The following SHISA9 variants were observed in gnomAD, a reference collection of about 807,000 sequenced individuals.
SHISA9 encodes the protein protein shisa-9.
SHISA9 carries 13 observed loss-of-function variants against 38.0 expected under a neutral mutation model. The observed-to-expected ratio is 0.34, with a 90% CI of 0.22 to 0.54. The LOEUF (loss-of-function observed/expected upper bound fraction) is 0.54, where lower values mean the gene tolerates loss of function less well. SHISA9 is among the 20% of genes least tolerant of loss of function. The pLI is 0.91. For synonymous variants in SHISA9, 275 were observed against 242.0 expected (o/e 1.14, Z -1.27); for missense variants, 538 against 575.8 (o/e 0.93, Z 0.67).
chr16:13,122,008 C>T (rs1026703939), intron 2 of SHISA9, among the ~76,000 whole-genome samples: 34 of 152,154 alleles, frequency 2.2e-4, no homozygotes, highest in African/African-American at 7.7e-4. Context: ...AAACTACTTA[C>T]CACAGTGCCC....
At chr16:13,217,191 T>A (rs1017327638) in intron 4 of SHISA9, among the ~76,000 whole-genome samples, 2 of 151,544 alleles carry the variant, frequency 1.3e-5, no homozygotes, top group African/African-American at 4.9e-5. Context: ...GGCAGGAGAA[T>A]GGCGCGAACC....
chr16:13,469,320 G>GAGAAAGAAAGAAGGAAAGAA, the SHISA9 span, among the ~76,000 whole-genome samples: 1 of 61,572 alleles, frequency 1.6e-5, no homozygotes, highest in Non-Finnish European at 3.0e-5. Context: ...GAGAGAGAGA[G>GAGAAAGAAAGAAGGAAAGAA]AGAAAGAAAG....
chr16:13,055,680 C>G (rs553399583), intron 2 of SHISA9, among the ~76,000 whole-genome samples: 1 of 152,238 alleles, frequency 6.6e-6, no homozygotes, highest in African/African-American at 2.4e-5. Context: ...CACTCACCCT[C>G]TTCCCTCATA....
chr16:13,082,393 GC>G (rs1219214334), intron 2 of SHISA9: 2 of 151,978 alleles, frequency 1.3e-5, no homozygotes, highest in Non-Finnish European at 2.9e-5. Context: ...CCATCCTCGG[GC>G]ACCTCTTGGT....
chr16:13,065,083 A>G (rs756213403), intron 2 of SHISA9, among the ~76,000 whole-genome samples: 5 of 152,174 alleles, frequency 3.3e-5, no homozygotes, highest in Non-Finnish European at 7.4e-5. Context: ...AGCTTAAGAT[A>G]TCTTGCCTTT....
At chr16:13,265,400 CCT>C in the SHISA9 span, among the ~76,000 whole-genome samples, 1 of 109,308 alleles carries the variant, frequency 9.1e-6, no homozygotes, top group African/African-American at 3.6e-5. Flanking sequence ...CCTCTCCTCT[CCT>C]CTTTCTCTCC....
chr16:13,193,104 G>C (rs936063422), intron 2 of SHISA9, among the ~76,000 whole-genome samples: 2 of 152,284 alleles, frequency 1.3e-5, no homozygotes, highest in African/African-American at 4.8e-5. Context: ...TTCAATGCGT[G>C]GTTCAATGCT....
the SHISA9 span, among the ~76,000 whole-genome samples, chr16:13,502,661 G>C: frequency 3.3e-5 from 5 of 152,202 alleles, no homozygotes; most frequent in African/African-American, 1.2e-4. Flanking sequence ...GATCATTTGA[G>C]GTCAAAAGCT....
At chr16:12,907,467 C>G (rs2071117917) in intron 1 of SHISA9, among the ~76,000 whole-genome samples, 1 of 151,862 alleles carries the variant, frequency 6.6e-6, no homozygotes, top group East Asian at 1.9e-4. Flanking sequence ...GACACTTAGT[C>G]CCTAATATCT....
chr16:13,065,688 A>C (rs1283761716), intron 2 of SHISA9, among the ~76,000 whole-genome samples: 2 of 152,218 alleles, frequency 1.3e-5, no homozygotes, highest in South Asian at 4.1e-4. Flanking sequence ...CTTCTGTAGG[A>C]AAGAACAGAG....
intron 2 of SHISA9, among the ~76,000 whole-genome samples, chr16:13,192,248 A>G (rs2050892291): frequency 6.6e-6 from 1 of 152,140 alleles, no homozygotes; most frequent in South Asian, 2.1e-4. Flanking sequence ...GAAAGGAGTG[A>G]GTGTTGAAGA....
the SHISA9 span, among the ~76,000 whole-genome samples, chr16:13,487,927 G>A: frequency 6.6e-6 from 1 of 152,206 alleles, no homozygotes; most frequent in Non-Finnish European, 1.5e-5. Context: ...GGATGGCAGG[G>A]ACACTTTGGA....
intron 2 of SHISA9, among the ~76,000 whole-genome samples, chr16:13,105,728 C>G (rs756502737): frequency 6.6e-6 from 1 of 152,200 alleles, no homozygotes; most frequent in Non-Finnish European, 1.5e-5. Context: ...AGCTCATCTG[C>G]TGAGGAGAGC....
chr16:12,990,841 C>T (rs935698101), intron 2 of SHISA9, among the ~76,000 whole-genome samples: 1 of 152,218 alleles, frequency 6.6e-6, no homozygotes, highest in Non-Finnish European at 1.5e-5. Flanking sequence ...CATCTCTGCG[C>T]ATTAAACCAA....
chr16:13,321,834 T>C, the SHISA9 span, among the ~76,000 whole-genome samples: 1 of 152,236 alleles, frequency 6.6e-6, no homozygotes, highest in Non-Finnish European at 1.5e-5. Context: ...TAATATCTAA[T>C]GTGATCTTTG....
At chr16:13,040,735 G>T (rs1252504849) in intron 2 of SHISA9, among the ~76,000 whole-genome samples, 3 of 152,176 alleles carry the variant, frequency 2.0e-5, no homozygotes, top group Non-Finnish European at 2.9e-5. Flanking sequence ...GTAAAGAAAA[G>T]CTTCTTTTCT....
chr16:13,048,976 C>T (rs958880602), intron 2 of SHISA9, among the ~76,000 whole-genome samples: 5 of 152,192 alleles, frequency 3.3e-5, no homozygotes, highest in Non-Finnish European at 5.9e-5. Context: ...TGCCATTCAA[C>T]TCATTAAATC....
At chr16:13,088,653 T>G (rs1010879017) in intron 2 of SHISA9, among the ~76,000 whole-genome samples, 2 of 152,234 alleles carry the variant, frequency 1.3e-5, no homozygotes, top group Non-Finnish European at 2.9e-5. Context: ...TTTTTGCACA[T>G]TGATTTTGTA....
At chr16:13,224,115 G>A (rs909338722) in intron 4 of SHISA9, among the ~76,000 whole-genome samples, 1 of 152,208 alleles carries the variant, frequency 6.6e-6, no homozygotes, top group African/African-American at 2.4e-5. Context: ...CCTAGTGAAG[G>A]CAGTAGCATA....
Sources: allele counts gnomAD v4.1 joint callset (sites outside exome capture counted in the v4.1 genomes callset), GRCh38; gene constraint gnomAD v4.1.1; transcripts MANE v1.5; gene names NCBI Gene and HGNC (gene_info 2026-07-23, HGNC 2026-07-21).